The following TBC1D5 variants were observed in gnomAD, a reference collection of about 807,000 sequenced individuals.
The protein encoded by TBC1D5 is TBC1 domain family member 5.
A neutral mutation model predicts 100.3 loss-of-function variants in TBC1D5; 75 were observed. The ratio of observed to expected loss-of-function variants is 0.75; its 90% CI spans 0.62 to 0.91. The LOEUF is 0.91. TBC1D5 is among the 40% of genes least tolerant of loss of function. The pLI, the probability that TBC1D5 is intolerant of heterozygous loss-of-function variation, is 0.00. For synonymous variants in TBC1D5, 323 were observed against 325.6 expected, an observed-to-expected ratio of 0.99 and a Z score of 0.09; for missense variants, 910 against 942.4, an observed-to-expected ratio of 0.97 and a Z score of 0.45.
In TBC1D5 at chr3:17,503,820, C is replaced by T. The variant is rs559704734; in HGVS notation, c.97+4654G>A. Among the ~76,000 whole-genome samples, 30 of 149,672 alleles carry T rather than the reference C, an allele frequency of 2.0e-4. 2 individuals carry two copies. The highest frequency in any genetic ancestry group is 2.0e-3 in the Admixed American group (30 of 15,156). ...GTAATAATTTATTTCCTTAGCTTTCCCTTTGCCAAGTGATTACTGCTGTGC... is the reference window on the plus strand; with the variant it reads ...GTAATAATTTATTTCCTTAGCTTTCTCTTTGCCAAGTGATTACTGCTGTGC... On this transcript the variant is annotated intron_variant, in intron 3 of 21. Coordinates refer to ENST00000253692, the Ensembl canonical transcript of TBC1D5.
intron 1 of TBC1D5, among the ~76,000 whole-genome samples, chr3:17,668,243 G>C (rs1319255132): frequency 6.6e-6 from 1 of 150,510 alleles, no homozygotes; most frequent in African/African-American, 2.4e-5. Flanking sequence ...AGCTGAGAAA[G>C]GAGGAAATAA....
At chr3:17,664,861 G>C (rs758312836) in intron 1 of TBC1D5, 2 of 151,922 alleles carry the variant, frequency 1.3e-5, no homozygotes, top group Non-Finnish European at 2.9e-5. Flanking sequence ...ACTAAGACAA[G>C]GTTGGAAAAT....
chr3:17,664,774 T>A (rs2067052042), intron 1 of TBC1D5, among the ~76,000 whole-genome samples: 1 of 152,136 alleles, frequency 6.6e-6, no homozygotes, highest in South Asian at 2.1e-4. Context: ...GGCTCCTGAA[T>A]ATAAACAACA....
intron 1 of TBC1D5, among the ~76,000 whole-genome samples, chr3:17,718,428 T>G (rs1450487707): frequency 6.6e-6 from 1 of 152,060 alleles, no homozygotes; most frequent in Non-Finnish European, 1.5e-5. Flanking sequence ...AAACCCCGTC[T>G]CTACCAAAAA....
intron 1 of TBC1D5, among the ~76,000 whole-genome samples, chr3:17,679,494 T>C (rs1234050123): frequency 6.6e-6 from 1 of 151,534 alleles, no homozygotes; most frequent in Admixed American, 6.6e-5. Context: ...TAAAATTTAA[T>C]GAGATGCACA....
chr3:17,515,185 G>C lies in TBC1D5; in HGVS notation c.-35-6580C>G, dbSNP rs1041912937. On this transcript the variant is annotated intron_variant, in intron 2 of 21. Coordinates refer to ENST00000253692, the Ensembl canonical transcript of TBC1D5. Reference sequence around the variant, plus strand: ...TACAAACATCAAATCAAATCATTTTGTCCAAAAAAACCAATGAACAAAAAT... The same window carrying C: ...TACAAACATCAAATCAAATCATTTTCTCCAAAAAAACCAATGAACAAAAAT... Among the ~76,000 whole-genome samples, 10 of 152,152 alleles carry C rather than the reference G, an allele frequency of 6.6e-5. No individual in the cohort carries two copies. In the East Asian group the frequency reaches 1.5e-3, roughly 23 times the overall value.
intron 18 of TBC1D5, among the ~76,000 whole-genome samples, chr3:17,203,435 T>C (rs1017984484): frequency 2.0e-5 from 3 of 152,176 alleles, no homozygotes; most frequent in African/African-American, 7.2e-5. Flanking sequence ...AATGATGAAA[T>C]GAGTTAAGAC....
chr3:17,462,697 T>C (rs1195097375), intron 3 of TBC1D5, among the ~76,000 whole-genome samples: 2 of 152,186 alleles, frequency 1.3e-5, no homozygotes, highest in East Asian at 1.9e-4. Flanking sequence ...GGGTTCCTTC[T>C]ACTGCTTGCC....
chr3:17,214,486 A>G (rs1210814717), intron 17 of TBC1D5, 116 bp from the exon 19 acceptor site: 1 of 1,034,008 alleles, frequency 9.7e-7, no homozygotes, highest in Non-Finnish European at 1.4e-6. Context: ...GATACTATCA[A>G]CATAATGACA....
chr3:17,231,305 T>C (rs903664055), intron 17 of TBC1D5, among the ~76,000 whole-genome samples: 1 of 152,184 alleles, frequency 6.6e-6, no homozygotes, highest in Admixed American at 6.5e-5. Flanking sequence ...CAAAGTCTGC[T>C]GTGGCTTTTT....
At chr3:17,643,314 A>G (rs556073318) in intron 1 of TBC1D5, among the ~76,000 whole-genome samples, 3 of 152,220 alleles carry the variant, frequency 2.0e-5, no homozygotes, top group South Asian at 4.1e-4. Context: ...AGATGTTAAT[A>G]TATCTTATTA....
intron 1 of TBC1D5, among the ~76,000 whole-genome samples, chr3:17,673,938 G>A (rs1185035910): frequency 1.3e-5 from 2 of 152,048 alleles, no homozygotes; most frequent in Non-Finnish European, 1.5e-5. Context: ...CTCATCAAGG[G>A]GCTTTTAAAT....
chr3:17,391,341 A>G (rs1053607067), intron 8 of TBC1D5, among the ~76,000 whole-genome samples: 2 of 152,056 alleles, frequency 1.3e-5, no homozygotes, highest in African/African-American at 4.8e-5. Context: ...TACTCCAGCC[A>G]TAGTCAAGCC....
chr3:17,354,452 C>T (rs1261802299), intron 13 of TBC1D5, among the ~76,000 whole-genome samples: 1 of 151,970 alleles, frequency 6.6e-6, no homozygotes, highest in East Asian at 1.9e-4. Context: ...ATCTCTTCTC[C>T]CCTTGAAAAA....
intron 2 of TBC1D5, among the ~76,000 whole-genome samples, chr3:17,522,612 A>G (rs1442575080): frequency 3.9e-5 from 6 of 152,156 alleles, no homozygotes; most frequent in African/African-American, 1.4e-4. Context: ...CAGAAAGGGT[A>G]CATGAAAAGA....
At chr3:17,674,669 CT>C (rs1197959355) in intron 1 of TBC1D5, among the ~76,000 whole-genome samples, 1 of 152,100 alleles carries the variant, frequency 6.6e-6, no homozygotes, top group Admixed American at 6.5e-5. Context: ...CATAATTATA[CT>C]TTTTTTTCTA....
chr3:17,402,097 ACCTGT>A (rs750489185), intron 8 of TBC1D5, among the ~76,000 whole-genome samples: 4 of 152,048 alleles, frequency 2.6e-5, no homozygotes, highest in Non-Finnish European at 5.9e-5. Flanking sequence ...ACTGCCAATT[ACCTGT>A]GGTTTCATTT....
intron 3 of TBC1D5, among the ~76,000 whole-genome samples, chr3:17,501,325 TA>T (rs2095785886): frequency 6.7e-6 from 1 of 149,688 alleles, no homozygotes; most frequent in South Asian, 2.1e-4. Flanking sequence ...TTCACCAAAT[TA>T]ATGCACTTAT....
At chr3:17,402,655 T>C (rs1416878056) in intron 8 of TBC1D5, among the ~76,000 whole-genome samples, 1 of 152,186 alleles carries the variant, frequency 6.6e-6, no homozygotes, top group East Asian at 1.9e-4. Flanking sequence ...CAGTCGAATA[T>C]ATCAAAGTTA....
Sources: allele counts gnomAD v4.1 joint callset (sites outside exome capture counted in the v4.1 genomes callset), GRCh38; gene constraint gnomAD v4.1.1; transcripts MANE v1.5; gene names NCBI Gene and HGNC (gene_info 2026-07-23, HGNC 2026-07-21).